The following PRRC2A variants were observed in gnomAD, a reference collection of about 807,000 sequenced individuals.
PRRC2A encodes the protein protein PRRC2A.
PRRC2A carries 59 observed loss-of-function variants against 224.6 expected under a neutral mutation model. The observed-to-expected ratio is 0.26, with a 90% CI of 0.21 to 0.33. PRRC2A has a LOEUF of 0.33. PRRC2A is among the 10% of genes least tolerant of loss of function. The pLI, the probability that PRRC2A is intolerant of heterozygous loss-of-function variation, is 1.00. For synonymous variants in PRRC2A, 1,194 were observed against 1,109.5 expected (o/e 1.08, Z -1.51); for missense variants, 3,095 against 2,880.7 (o/e 1.07, Z -1.70).
rs1300392878 is a variant in PRRC2A at position 31,631,684 on chromosome 6, C to T, written c.3011C>T (p.Ser1004Phe). Residue 1004 changes from serine to phenylalanine, a missense_variant, in exon 16 of 31, where the codon TCC becomes TTC. Ser to Phe is a radical substitution (Grantham distance 155). Around this residue, in one of 8 missense-constraint regions of PRRC2A, gnomAD observed 2,001 missense variants for 1,764.9 expected, o/e 1.13. Transcript: ENST00000376033. The surrounding 1 kb of genome is among the most constrained non-coding windows in gnomAD (Gnocchi z 4.5). The part of the protein sequence containing the change: ...PKETPPNGNL[S>F]PAPRLRRDYS... ...GAGACCCCACCCAATGGAAATCTTT[C>T]CCCTGCCCCAAGGCTTCGGAGGGAC... The T allele has an allele frequency of 4.6e-6, 7 of 1,514,050 alleles. No individual in the cohort carries two copies. Among genetic ancestry groups the T allele is most frequent in the Non-Finnish European group, 6.2e-6 (7 of 1,132,908 alleles). 93.8% of individuals were successfully genotyped at this position (1,514,050 alleles called of 1,614,324 possible). A position where few individuals can be genotyped will look rare whatever the true frequency, so the allele number is the denominator to read the frequency against.
Position 31,629,774 on chromosome 6 carries a change from C to A in PRRC2A, c.2183C>A (p.Pro728His), listed in dbSNP as rs558982030. 1 of 1,613,762 alleles carries A rather than the reference C, an allele frequency of 6.2e-7. No individual in the cohort carries two copies. The highest frequency in any genetic ancestry group is 1.1e-5 in the South Asian group (1 of 91,028). The change falls in exon 14 of 31, where the codon CCT (proline) becomes CAT (histidine). Residue 728 changes from proline (P) to histidine (H), a missense_variant. Physicochemically the swap from Pro to His is moderately conservative, Grantham distance 77. Around this residue, in one of 8 missense-constraint regions of PRRC2A, gnomAD observed 2,001 missense variants for 1,764.9 expected, o/e 1.13. Coordinates refer to ENST00000376033, the MANE Select transcript of PRRC2A (RefSeq NM_004638.4). ...NFDPRWMMIP[P>H]YVDPRLLQGR... The stretch of plus-strand genomic sequence containing the variant: ...GATCCCCGATGGATGATGATTCCTC[C>A]TTATGTGGACCCCCGGCTCCTCCAG...
intron 14 of PRRC2A, 56 bp from the exon 15 acceptor site, chr6:31,630,535 G>T: frequency 1.3e-6 from 2 of 1,586,610 alleles, no homozygotes; most frequent in South Asian, 1.1e-5. Context: ...TGCTTTTTGG[G>T]CTGGAGGGCT....
At position 31,623,725 on chromosome 6, in the gene PRRC2A, T is replaced by A. The variant is rs772830337; in HGVS notation, c.113-7T>A. 41 of 1,613,876 alleles carry A rather than the reference T, an allele frequency of 2.5e-5. No individual in the cohort carries two copies. Among genetic ancestry groups the A allele is most frequent in the Non-Finnish European group, 3.4e-5 (40 of 1,179,818 alleles). On this transcript the variant is annotated splice_region_variant and splice_polypyrimidine_tract_variant and intron_variant, in intron 2 of 30. Coordinates refer to ENST00000376033, the MANE Select transcript of PRRC2A (RefSeq NM_004638.4). Reference sequence around the variant, plus strand: ...ATTTTCGACCCTCTCTCCGTCTTGTTCTCCAGTTGCCCCTCGCCATGGCCT... The same window carrying A: ...ATTTTCGACCCTCTCTCCGTCTTGTACTCCAGTTGCCCCTCGCCATGGCCT...
At chr6:31,628,272 C>G in intron 12 of PRRC2A, 33 bp downstream of exon 12, 1 of 1,580,356 alleles carries the variant, frequency 6.3e-7, no homozygotes. Context: ...TACCAGATGT[C>G]AGATCACTGC....
At position 31,631,180 on chromosome 6, in the gene PRRC2A, C is replaced by T. The variant is rs757732014; in HGVS notation, c.2507C>T (p.Ala836Val). ...PPVPPPPPYL[A>V]SYPGFPENGA... ...GTACCTCCCCCACCACCCTATCTGG[C>T]CAGTTATCCAGGCTTTCCTGAGAAT... Residue 836 changes from alanine to valine, a missense_variant, in exon 16 of 31, where the codon GCC becomes GTC. Ala to Val is a moderately conservative substitution (Grantham distance 64). Around this residue, in one of 8 missense-constraint regions of PRRC2A, gnomAD observed 2,001 missense variants for 1,764.9 expected, o/e 1.13. Coordinates refer to ENST00000376033, the MANE Select transcript of PRRC2A (RefSeq NM_004638.4). This position sits in a 1 kb window ranked among gnomAD's most constrained non-coding sequence, Gnocchi z 4.5. The T allele has an allele frequency of 7.6e-6, 12 of 1,572,694 alleles. No homozygotes were observed. Among genetic ancestry groups the T allele is most frequent in the Non-Finnish European group, 1.0e-5 (12 of 1,160,396 alleles).
At position 31,626,671 on chromosome 6, in the gene PRRC2A, G is replaced by A. The variant is rs1043057240; in HGVS notation, c.983-101G>A. The A allele has an allele frequency of 1.7e-5, 17 of 1,023,674 alleles. No individual in the cohort carries two copies. The East Asian group carries it at 3.7e-4, about 22-fold the overall frequency. 63.4% of individuals were successfully genotyped at this position (1,023,674 alleles called of 1,614,324 possible). A position where few individuals can be genotyped will look rare whatever the true frequency, so the allele number is the denominator to read the frequency against. ...GGTGGATCTAGACTTCGGAGGGAAG[G>A]ATATTGGCATTGGTAGTCCATCTTG... On this transcript the variant is annotated intron_variant, in intron 9 of 30. Coordinates refer to ENST00000376033, the MANE Select transcript of PRRC2A (RefSeq NM_004638.4).
Position 31,636,930 on chromosome 6 carries a change from C to T in PRRC2A, c.6132C>T (p.Ser2044=), listed in dbSNP as rs142099468. The change falls in exon 28 of 31, where the codon AGC becomes AGT. Residue 2044 remains serine, a synonymous_variant. Transcript: ENST00000376033. The surrounding 1 kb of genome is among the most constrained non-coding windows in gnomAD (Gnocchi z 4.3). ...LPSPARPFPA[S]LGRAELHPVE... ...CACCTGCCAGGCCCTTCCCCGCTAG[C>T]TTGGGGCGAGCAGAGGTAAGGTACA... 126 of 1,612,888 alleles carry T rather than the reference C, an allele frequency of 7.8e-5. No individual in the cohort carries two copies. In the Middle Eastern group the frequency reaches 4.1e-3, roughly 53 times the overall value.
chr6:31,625,738 C>G lies in PRRC2A; in HGVS notation c.760-54C>G. ...GATGATTGATAGCAGGCTTAAGGAG[C>G]TAGAAGGGTATATGACTGTCCCTCT... On this transcript the variant is annotated intron_variant, in intron 7 of 30. Transcript: ENST00000376033. The surrounding 1 kb of genome is among the most constrained non-coding windows in gnomAD (Gnocchi z 4.1). 6.4e-7 allele frequency: 1 copy of G among 1,559,792 alleles called. No individual in the cohort carries two copies. Among genetic ancestry groups the G allele is most frequent in the African/African-American group, 1.4e-5 (1 of 73,756 alleles).
chr6:31,634,136 G>T, intron 18 of PRRC2A, 100 bp from the exon 19 acceptor site: 3 of 1,563,964 alleles, frequency 1.9e-6, no homozygotes. Flanking sequence ...TGTCTCCCTT[G>T]TTGTCCCCAC....
Position 31,632,799 on chromosome 6 carries a change from A to G in PRRC2A, c.4126A>G (p.Arg1376Gly). ...SAMSRGDLSQ[R>G]AKDLSKRSFS... Reference sequence around the variant, plus strand: ...CATGTCCCGCGGAGATCTGAGCCAGAGAGCCAAGGATTTGAGTAAACGGAG... The same window carrying G: ...CATGTCCCGCGGAGATCTGAGCCAGGGAGCCAAGGATTTGAGTAAACGGAG... Residue 1376 changes from arginine (R) to glycine (G), a missense_variant, in exon 16 of 31, where the codon AGA becomes GGA. Physicochemically the swap from Arg to Gly is moderately radical, Grantham distance 125 (BLOSUM62 -2). Around this residue, in one of 8 missense-constraint regions of PRRC2A, gnomAD observed 2,001 missense variants for 1,764.9 expected, o/e 1.13. Transcript: ENST00000376033. 1.9e-6 allele frequency: 3 copies of G among 1,613,138 alleles called. No individual in the cohort carries two copies. The highest frequency in any genetic ancestry group is 2.2e-5 in the South Asian group (2 of 91,088).
At chr6:31,621,139 C>T (rs1775227660) in intron 1 of PRRC2A, among the ~76,000 whole-genome samples, 1 of 152,178 alleles carries the variant, frequency 6.6e-6, no homozygotes, top group Non-Finnish European at 1.5e-5. Context: ...GGGTCCGTAA[C>T]TCCCTACCCT....
chr6:31,624,079 T>G (rs1775616091), intron 3 of PRRC2A, among the ~76,000 whole-genome samples, 170 bp downstream of exon 3: 1 of 152,218 alleles, frequency 6.6e-6, no homozygotes, highest in South Asian at 2.1e-4. Context: ...AAACTTTAGC[T>G]TTTTGTCTTG....
At position 31,636,529 on chromosome 6, in the gene PRRC2A, C is replaced by A; in HGVS notation, c.5855C>A (p.Ser1952Tyr). ...SLLQVRQDLP[S>Y]PSDFYSTPLQ... is the part of the protein sequence containing the mutation. ...CGACAGGTACGCCAGGATCTGCCAT[C>A]CCCTTCGGATTTTTATTCTACTCCT... Residue 1952 changes from serine to tyrosine, a missense_variant, in exon 27 of 31, where the codon TCC becomes TAC. Physicochemically the swap from Ser to Tyr is moderately radical, Grantham distance 144 (BLOSUM62 -2). Around this residue, in one of 8 missense-constraint regions of PRRC2A, gnomAD observed 662 missense variants for 609.5 expected, o/e 1.09. Transcript: ENST00000376033. This position sits in a 1 kb window ranked among gnomAD's most constrained non-coding sequence, Gnocchi z 4.3. The A allele has an allele frequency of 1.2e-6, 2 of 1,609,388 alleles. No individual in the cohort carries two copies. Among genetic ancestry groups the A allele is most frequent in the African/African-American group, 1.3e-5 (1 of 74,778 alleles).
Position 31,626,778 on chromosome 6 carries a change from A to G in PRRC2A, c.989A>G (p.His330Arg). The G allele has an allele frequency of 1.9e-6, 3 of 1,578,740 alleles. No homozygotes were observed. The highest frequency in any genetic ancestry group is 2.6e-6 in the Non-Finnish European group (3 of 1,162,106). Residue 330 changes from histidine (H) to arginine (R), a missense_variant, in exon 10 of 31, where the codon CAT (histidine) becomes CGT (arginine). Around this residue, in one of 8 missense-constraint regions of PRRC2A, gnomAD observed 11 missense variants for 30.0 expected, o/e 0.37. Coordinates refer to ENST00000376033, the MANE Select transcript of PRRC2A (RefSeq NM_004638.4). Reference protein sequence around the residue: ...QENDDGWAGAHEEVDYTEKLK... With the variant: ...QENDDGWAGAREEVDYTEKLK... ...TACTCATATTTCCCCTCAGGGGCCC[A>G]TGAAGAGGTTGACTACACTGAAAAG...
chr6:31,622,726 G>A lies in PRRC2A; in HGVS notation c.-64G>A. On this transcript the variant is annotated 5_prime_UTR_variant, in exon 2 of 31. Coordinates refer to ENST00000376033, the MANE Select transcript of PRRC2A (RefSeq NM_004638.4). ...TGAGACACTTGCTGTCTGGCCCACA[G>A]GCTCTGGCACGTTTTGGGGGAGGTG... is the stretch of plus-strand genomic sequence containing the variant. 1 of 1,255,152 alleles carries A rather than the reference G, an allele frequency of 8.0e-7. No individual in the cohort carries two copies. The highest frequency in any genetic ancestry group is 1.2e-6 in the Non-Finnish European group (1 of 862,658). The allele number at this position is 1,255,152 out of a possible 1,614,324, so 77.8% of individuals were successfully genotyped here.
intron 30 of PRRC2A, 58 bp from the exon 31 acceptor site, chr6:31,637,388 C>G (rs529320476): frequency 2.1e-5 from 33 of 1,591,106 alleles, no homozygotes; most frequent in Admixed American, 2.0e-4. Context: ...TCCTGTCCTT[C>G]CGTCTCATCG....
intron 15 of PRRC2A, 84 bp downstream of exon 15, chr6:31,630,885 G>T: frequency 1.3e-6 from 2 of 1,502,632 alleles, no homozygotes; most frequent in Non-Finnish European, 1.8e-6. Flanking sequence ...TAGTGGTAGG[G>T]ATAGGGATGA....
Position 31,635,762 on chromosome 6 carries a change from T to G in PRRC2A, c.5541+13T>G. On this transcript the variant is annotated intron_variant, in intron 24 of 30. Coordinates refer to ENST00000376033, the MANE Select transcript of PRRC2A (RefSeq NM_004638.4). Reference sequence around the variant, plus strand: ...TTCCAGTTCTCAGGTAGGCCCCGCTTCCCATTGCATGACCCCTTCAGTGAA... The same window carrying G: ...TTCCAGTTCTCAGGTAGGCCCCGCTGCCCATTGCATGACCCCTTCAGTGAA... 1 of 1,569,100 alleles carries G rather than the reference T, an allele frequency of 6.4e-7. No individual in the cohort carries two copies. The highest frequency in any genetic ancestry group is 8.6e-7 in the Non-Finnish European group (1 of 1,159,270).
At chr6:31,635,317 A>G in intron 22 of PRRC2A, 45 bp downstream of exon 22, 1 of 1,613,736 alleles carries the variant, frequency 6.2e-7, no homozygotes, top group Non-Finnish European at 8.5e-7. Context: ...GGTGGAGAGA[A>G]GGGAAGGACT....
Sources: gnomAD v4.1 joint callset for allele counts (sites outside exome capture counted in the v4.1 genomes callset) on GRCh38, gnomAD v4.1.1 for gene constraint, gnomAD v4.1.1 regional missense constraint, Gnocchi (gnomAD v3.1) non-coding constraint, MANE v1.5 for transcripts, NCBI Gene and HGNC (gene_info 2026-07-23, HGNC 2026-07-21) for gene names.